GPC5: variants seen among roughly 807,000 people sequenced by gnomAD.
The protein encoded by GPC5 is glypican-5.
In GPC5, 47 loss-of-function variants were observed where a neutral mutation model predicts 53.9. That is an observed-to-expected ratio of 0.87 (90% CI 0.69 to 1.11). GPC5 has a LOEUF of 1.11. GPC5 is among the 50% of genes most tolerant of loss of function. The pLI is 0.00. For missense variants in GPC5, 748 were observed against 713.1 expected, an observed-to-expected ratio of 1.05 and a Z score of -0.56; for synonymous variants, 286 against 263.3, an observed-to-expected ratio of 1.09 and a Z score of -0.84.
intron 2 of GPC5, among the ~76,000 whole-genome samples, chr13:91,566,618 G>A (rs930598438): frequency 3.9e-5 from 6 of 152,206 alleles, no homozygotes; most frequent in African/African-American, 1.4e-4. Context: ...TTGAGTAGTT[G>A]AATGGCTAGT....
At chr13:91,438,725 C>T (rs926199128) in intron 1 of GPC5, among the ~76,000 whole-genome samples, 14 of 152,178 alleles carry the variant, frequency 9.2e-5, no homozygotes, top group South Asian at 2.1e-4. Context: ...GAGGATTCTG[C>T]GCCTTGTGTT....
At chr13:92,527,249 G>GAGAAAGAAAGAA (rs199630577) in intron 7 of GPC5, among the ~76,000 whole-genome samples, 24 of 32,720 alleles carry the variant, frequency 7.3e-4, no homozygotes, top group African/African-American at 2.0e-3. Flanking sequence ...AAGAAAGAAA[G>GAGAAAGAAAGAA]AGAAAGAAAG....
At chr13:92,654,725 TACTCA>T (rs538309511) in intron 7 of GPC5, among the ~76,000 whole-genome samples, 6 of 150,038 alleles carry the variant, frequency 4.0e-5, no homozygotes, top group South Asian at 2.1e-4. Flanking sequence ...TTTATTTTTA[TACTCA>T]ACTCTTTTTA....
intron 6 of GPC5, among the ~76,000 whole-genome samples, chr13:91,983,088 G>A (rs1355721174): frequency 6.6e-6 from 1 of 151,968 alleles, no homozygotes; most frequent in African/African-American, 2.4e-5. Context: ...GCTCACGCCT[G>A]TAATCCCAGC....
At chr13:92,680,488 G>A (rs1024020384) in intron 7 of GPC5, among the ~76,000 whole-genome samples, 1 of 152,130 alleles carries the variant, frequency 6.6e-6, no homozygotes, top group East Asian at 1.9e-4. Context: ...AGAAAGTGAA[G>A]CAAAAAGAAC....
intron 7 of GPC5, among the ~76,000 whole-genome samples, chr13:92,398,428 C>CAAAAAAAGAAAAAA (rs1875390951): frequency 1.1e-5 from 1 of 87,672 alleles, no homozygotes; most frequent in African/African-American, 5.1e-5. Context: ...GACTCCGTCT[C>CAAAAAAAGAAAAAA]AAAAAAAAAA....
At chr13:92,300,332 C>A (rs1179147719) in intron 7 of GPC5, among the ~76,000 whole-genome samples, 2 of 152,136 alleles carry the variant, frequency 1.3e-5, no homozygotes, top group African/African-American at 4.8e-5. Flanking sequence ...AATACTAAAG[C>A]AGTGGTTCTC....
intron 1 of GPC5, among the ~76,000 whole-genome samples, chr13:91,418,112 A>G (rs1377758402): frequency 6.6e-6 from 1 of 152,086 alleles, no homozygotes; most frequent in African/African-American, 2.4e-5. Flanking sequence ...CCGCCTGCCC[A>G]TCAGTCATTT....
At chr13:91,964,833 G>A (rs922586080) in intron 6 of GPC5, among the ~76,000 whole-genome samples, 2 of 151,984 alleles carry the variant, frequency 1.3e-5, no homozygotes, top group African/African-American at 2.4e-5. Flanking sequence ...GGAACCAACC[G>A]AAATGTCCAT....
intron 7 of GPC5, among the ~76,000 whole-genome samples, chr13:92,767,746 G>T (rs1443959540): frequency 1.3e-5 from 2 of 152,098 alleles, no homozygotes; most frequent in Non-Finnish European, 2.9e-5. Context: ...TGGAATACAT[G>T]AAGCATATTC....
At chr13:91,823,075 G>T (rs1472865764) in intron 5 of GPC5, among the ~76,000 whole-genome samples, 1 of 152,052 alleles carries the variant, frequency 6.6e-6, no homozygotes, top group East Asian at 1.9e-4. Flanking sequence ...TATCACTATA[G>T]TATGATGGAA....
chr13:92,213,353 C>T (rs1221998714), intron 7 of GPC5, among the ~76,000 whole-genome samples: 1 of 152,054 alleles, frequency 6.6e-6, no homozygotes, highest in Non-Finnish European at 1.5e-5. Flanking sequence ...CATACAATAA[C>T]TTGCAGTGAC....
chr13:92,758,402 C>T (rs1313338106), intron 7 of GPC5, among the ~76,000 whole-genome samples: 1 of 151,474 alleles, frequency 6.6e-6, no homozygotes, highest in Non-Finnish European at 1.5e-5. Flanking sequence ...GTGCAGCGCA[C>T]CAGCATGGCA....
At chr13:92,004,341 A>C (rs1566389035) in intron 6 of GPC5, among the ~76,000 whole-genome samples, 2 of 150,564 alleles carry the variant, frequency 1.3e-5, no homozygotes, top group Non-Finnish European at 3.0e-5. Context: ...GCTACTCAGG[A>C]GGCTGAGGCA....
chr13:92,336,866 A>C (rs540896809), intron 7 of GPC5, among the ~76,000 whole-genome samples: 3 of 152,162 alleles, frequency 2.0e-5, no homozygotes, highest in Non-Finnish European at 2.9e-5. Context: ...GAATCTCTCT[A>C]TGTCACCCAG....
chr13:91,604,342 C>T (rs1314605540), intron 2 of GPC5, among the ~76,000 whole-genome samples: 1 of 149,704 alleles, frequency 6.7e-6, no homozygotes, highest in Non-Finnish European at 1.5e-5. Context: ...TTTCTTAATC[C>T]AGTCTATCAT....
intron 5 of GPC5, among the ~76,000 whole-genome samples, chr13:91,887,877 G>T (rs972944800): frequency 6.6e-6 from 1 of 152,080 alleles, no homozygotes; most frequent in East Asian, 1.9e-4. Flanking sequence ...CAAGTCTCTA[G>T]GAAGTTCCAA....
chr13:92,285,183 G>C (rs1265009855), intron 7 of GPC5, among the ~76,000 whole-genome samples: 1 of 151,982 alleles, frequency 6.6e-6, no homozygotes, highest in Non-Finnish European at 1.5e-5. Flanking sequence ...CAACTTACAA[G>C]GGACGTGAAG....
At chr13:91,961,193 A>G (rs1296728793) in intron 6 of GPC5, among the ~76,000 whole-genome samples, 2 of 151,996 alleles carry the variant, frequency 1.3e-5, no homozygotes, top group Non-Finnish European at 2.9e-5. Flanking sequence ...TGAAGTAACT[A>G]AACAAGTAAA....
Sources: gnomAD v4.1 joint callset for allele counts (sites outside exome capture counted in the v4.1 genomes callset) on GRCh38, gnomAD v4.1.1 for gene constraint, MANE v1.5 for transcripts, NCBI Gene and HGNC (gene_info 2026-07-23, HGNC 2026-07-21) for gene names.